MYPN: variants seen among roughly 807,000 people sequenced by gnomAD.
MYPN encodes myopalladin, also known as sarcomeric protein myopalladin, 145 kDa (MYOP).
A neutral mutation model predicts 129.4 loss-of-function variants in MYPN; 63 were observed. The ratio of observed to expected loss-of-function variants is 0.49; its 90% CI spans 0.40 to 0.60. MYPN has a LOEUF of 0.60. Among genes scored for constraint, MYPN ranks in the 20% least tolerant of loss-of-function variants. The pLI is 0.00. For missense variants in MYPN, 1,596 were observed against 1,635.4 expected (o/e 0.98, Z 0.42); for synonymous variants, 629 against 600.9 (o/e 1.05, Z -0.68).
chr10:68,195,342 A>T, intron 14 of MYPN, 108 bp from the exon 15 acceptor site: 1 of 915,798 alleles, frequency 1.1e-6, no homozygotes, highest in Non-Finnish European at 1.8e-6. Flanking sequence ...CCAAAGAAAA[A>T]CTCATAATAG....
At chr10:68,185,425 G>A (rs1289248642) in intron 12 of MYPN, among the ~76,000 whole-genome samples, 1 of 152,036 alleles carries the variant, frequency 6.6e-6, no homozygotes, top group Non-Finnish European at 1.5e-5. Flanking sequence ...CCTAGTGGGG[G>A]CCTCCAGGGT....
chr10:68,196,331 C>T (rs148588645), intron 15 of MYPN, among the ~76,000 whole-genome samples: 2,082 of 152,254 alleles, frequency 0.014, 22 homozygotes, highest in Middle Eastern at 0.051. Context: ...GCCTGGCTTT[C>T]CACCTGAATC....
chr10:68,123,625 G>A (rs1014426207), intron 2 of MYPN, among the ~76,000 whole-genome samples: 3 of 151,382 alleles, frequency 2.0e-5, no homozygotes, highest in Non-Finnish European at 4.4e-5. Flanking sequence ...GGCGGAACTT[G>A]CTGTAAGCCG....
chr10:68,090,384 C>T lies in MYPN; in HGVS notation c.-2+2392C>T, dbSNP rs188985964. Among the ~76,000 whole-genome samples the T allele has an allele frequency of 5.3e-4, 81 of 152,180 alleles. No individual in the cohort carries two copies. In the East Asian group the frequency reaches 0.014, roughly 27 times the overall value. On this transcript the variant is annotated intron_variant, in intron 1 of 6. Transcript: ENST00000685154. ...TTCACCACGTTGGTCAGGCTGGTTT[C>T]GAACTCCTGACCTCAAGTGATCTAC...
At chr10:68,180,035 C>T (rs2043290003) in intron 12 of MYPN, among the ~76,000 whole-genome samples, 1 of 152,142 alleles carries the variant, frequency 6.6e-6, no homozygotes, top group South Asian at 2.1e-4. Context: ...CTGTGTTTTG[C>T]AGAATGTTGT....
intron 9 of MYPN, 89 bp downstream of exon 9, chr10:68,165,907 A>G (rs188329839): frequency 1.8e-6 from 2 of 1,115,260 alleles, no homozygotes; most frequent in Admixed American, 1.7e-5. Context: ...CCTGTTTTTC[A>G]TACAAAGCTG....
chr10:68,143,043 A>C lies in MYPN; in HGVS notation c.1006A>C (p.Thr336Pro). ...CATTGCGGAAGCCTTTGAAGAGGACACAGGACGCTATTCCTGCTTTGCTTC... is the reference window on the plus strand; with the variant it reads ...CATTGCGGAAGCCTTTGAAGAGGACCCAGGACGCTATTCCTGCTTTGCTTC... ...LTIAEAFEEDTGRYSCFASNI... is the reference protein window; with the variant it reads ...LTIAEAFEEDPGRYSCFASNI... The change falls in exon 3 of 20, where the codon ACA becomes CCA. Residue 336 changes from threonine (T) to proline (P), a missense_variant. By Grantham distance (38) the Thr-to-Pro change is conservative. Coordinates refer to ENST00000358913, the MANE Select transcript of MYPN (RefSeq NM_032578.4). 6.2e-7 allele frequency: 1 copy of C among 1,614,174 alleles called. No homozygotes were observed. The highest frequency in any genetic ancestry group is 8.5e-7 in the Non-Finnish European group (1 of 1,180,008).
intron 9 of MYPN, 63 bp from the exon 10 acceptor site, chr10:68,166,231 T>C: frequency 1.2e-6 from 2 of 1,605,308 alleles, no homozygotes; most frequent in South Asian, 2.2e-5. Flanking sequence ...TTCCCATTTG[T>C]GCACATGCCC....
rs148360410 is a variant in MYPN at position 68,174,321 on chromosome 10, G to A, written c.2229G>A (p.Pro743=). 6.3e-5 allele frequency: 102 copies of A among 1,614,030 alleles called. No homozygotes were observed. Among genetic ancestry groups the A allele is most frequent in the African/African-American group, 2.9e-4 (22 of 74,964 alleles). ...CAACTGTGGCCCCTTCCAGCTCTCC[G>A]GTGTTCACTTTGAGCAGCACTCCTC... is the stretch of plus-strand genomic sequence containing the variant. ...TAATVAPSSS[P]VFTLSSTPQT... Residue 743 remains proline (P), a synonymous_variant, in exon 11 of 20, where the codon CCG becomes CCA. Coordinates refer to ENST00000358913, the MANE Select transcript of MYPN (RefSeq NM_032578.4).
Position 68,210,775 on chromosome 10 carries a change from A to T in MYPN, c.*320A>T. On this transcript the variant is annotated 3_prime_UTR_variant, in exon 20 of 20. Transcript: ENST00000358913. ...GCTCCCTGTTGTGTTAGGGATGTTT[A>T]GGTCATACTAGGAGCAATTAGGAGC... The T allele has an allele frequency of 2.1e-6, 1 of 485,104 alleles. No homozygotes were observed. The highest frequency in any genetic ancestry group is 4.0e-6 in the Non-Finnish European group (1 of 247,260). 30.0% of individuals were successfully genotyped at this position (485,104 alleles called of 1,614,324 possible). A position where few individuals can be genotyped will look rare whatever the true frequency, so the allele number is the denominator to read the frequency against.
At chr10:68,107,313 C>CATTCAGA (rs1341247846), upstream of MYPN, among the ~76,000 whole-genome samples, 2 of 150,018 alleles carry the variant, frequency 1.3e-5, no homozygotes, top group Non-Finnish European at 3.0e-5. Flanking sequence ...AGATGACTGC[C>CATTCAGA]ATTCAGAATG....
At chr10:68,146,454 A>C (rs765742770) in intron 4 of MYPN, among the ~76,000 whole-genome samples, 2 of 152,212 alleles carry the variant, frequency 1.3e-5, no homozygotes, top group African/African-American at 2.4e-5. Context: ...AAGGGGTATG[A>C]ATTTTGATCT....
rs778831883 is a variant in MYPN, at chr10:68,197,349, T to C, written c.3159-3T>C. Reference sequence around the variant, plus strand: ...TAATATCTGAACATGCTTGTTGTTATAGGGGAAGATCCCGAGTGCAAGAAA... The same window carrying C: ...TAATATCTGAACATGCTTGTTGTTACAGGGGAAGATCCCGAGTGCAAGAAA... On this transcript the variant is annotated splice_region_variant and splice_polypyrimidine_tract_variant and intron_variant, in intron 15 of 19. Transcript: ENST00000358913. 1.4e-5 allele frequency: 22 copies of C among 1,613,068 alleles called. No homozygotes were observed. The highest frequency in any genetic ancestry group is 1.7e-5 in the Admixed American group (1 of 59,978).
intron 17 of MYPN, among the ~76,000 whole-genome samples, chr10:68,201,149 G>A (rs1024504283): frequency 1.3e-5 from 2 of 152,122 alleles, no homozygotes; most frequent in Non-Finnish European, 2.9e-5. Flanking sequence ...ATCTGTTTTA[G>A]TAAATAAAAT....
chr10:68,105,511 C>T (rs2042005167), upstream of MYPN, among the ~76,000 whole-genome samples: 1 of 152,188 alleles, frequency 6.6e-6, no homozygotes, highest in Non-Finnish European at 1.5e-5. Flanking sequence ...TCTTCAGTAA[C>T]TTAGTCTCAG....
intron 3 of MYPN, 45 bp from the exon 4 acceptor site, chr10:68,145,430 A>G (rs2042646727): frequency 1.3e-6 from 2 of 1,528,042 alleles, no homozygotes; most frequent in African/African-American, 2.8e-5. Context: ...CCAATTTAAG[A>G]AATTGTCATC....
At chr10:68,195,698 C>G (rs974313731) in intron 15 of MYPN, among the ~76,000 whole-genome samples, 166 bp downstream of exon 15, 1 of 152,178 alleles carries the variant, frequency 6.6e-6, no homozygotes, top group South Asian at 2.1e-4. Context: ...CCAGGCCCCA[C>G]TCTGGATCTA....
chr10:68,170,338 T>C (rs892516834), intron 10 of MYPN, among the ~76,000 whole-genome samples: 1 of 152,208 alleles, frequency 6.6e-6, no homozygotes, highest in Non-Finnish European at 1.5e-5. Flanking sequence ...CTCAGCACTA[T>C]ATAATTCTTT....
intron 2 of MYPN, among the ~76,000 whole-genome samples, chr10:68,123,948 A>G (rs1017873057): frequency 2.6e-5 from 4 of 152,168 alleles, no homozygotes; most frequent in Non-Finnish European, 5.9e-5. Context: ...GTCAATTTAA[A>G]GATTCATTAT....
Sources: allele counts gnomAD v4.1 joint callset (sites outside exome capture counted in the v4.1 genomes callset), GRCh38; gene constraint gnomAD v4.1.1; transcripts MANE v1.5; gene names NCBI Gene and HGNC (gene_info 2026-07-23, HGNC 2026-07-21).